The following GABRP variants were observed in gnomAD, a reference collection of about 807,000 sequenced individuals.
GABRP encodes the protein gamma-aminobutyric acid receptor subunit pi.
Under a neutral mutation model 47.8 loss-of-function variants are expected in GABRP, and 52 were observed. That is an observed-to-expected ratio of 1.09 (90% CI 0.87 to 1.37). The LOEUF (loss-of-function observed/expected upper bound fraction) is 1.37. GABRP is among the 40% of genes most tolerant of loss of function. GABRP has a pLI of 0.00. For synonymous variants in GABRP, 221 were observed against 205.8 expected (o/e 1.07, Z -0.63); for missense variants, 525 against 542.8 (o/e 0.97, Z 0.33).
chr5:170,784,766 T>A (rs1478779360), intron 1 of GABRP, among the ~76,000 whole-genome samples: 1 of 152,204 alleles, frequency 6.6e-6, no homozygotes, highest in Non-Finnish European at 1.5e-5. Context: ...ATGGGAAAAC[T>A]GAGACTCTGA....
chr5:170,794,089 T>C, intron 3 of GABRP, 142 bp from the exon 4 acceptor site: 1 of 448,800 alleles, frequency 2.2e-6, no homozygotes, highest in Non-Finnish European at 3.8e-6. Flanking sequence ...AAAATTTTTC[T>C]TTTTATATTT....
rs113821220 is a variant in GABRP at position 170,795,429 on chromosome 5, C to T, written c.458+4C>T. ...GCACGGTCCTGTATGCCCTCAGGTA[C>T]GCGGACACCTGTGACCTCAGGGGTG... On this transcript the variant is annotated splice_donor_region_variant and intron_variant, in intron 5 of 9. Coordinates refer to ENST00000265294, the MANE Select transcript of GABRP (RefSeq NM_014211.3). 93 of 1,612,204 alleles carry T rather than the reference C, an allele frequency of 5.8e-5. 3 individuals are homozygous for T. The African/African-American group carries it at 6.0e-4, about 10-fold the overall frequency.
chr5:170,812,281 G>T lies in GABRP; in HGVS notation c.*23G>T. 1 of 1,582,300 alleles carries T rather than the reference G, an allele frequency of 6.3e-7. No individual in the cohort carries two copies. The highest frequency in any genetic ancestry group is 8.7e-7 in the Non-Finnish European group (1 of 1,155,788). On this transcript the variant is annotated 3_prime_UTR_variant, in exon 10 of 10. Coordinates refer to ENST00000265294, the MANE Select transcript of GABRP (RefSeq NM_014211.3). ...TGAGTCAATGTTAAATTTCTTGCAT[G>T]CCATAGGTCTTCAACAGGACAAGAT...
At position 170,812,286 on chromosome 5, in the gene GABRP, A is replaced by C. The variant is rs148228011; in HGVS notation, c.*28A>C. On this transcript the variant is annotated 3_prime_UTR_variant, in exon 10 of 10. Coordinates refer to ENST00000265294, the MANE Select transcript of GABRP (RefSeq NM_014211.3). ...CAATGTTAAATTTCTTGCATGCCATAGGTCTTCAACAGGACAAGATAATGA... is the reference window on the plus strand; with the variant it reads ...CAATGTTAAATTTCTTGCATGCCATCGGTCTTCAACAGGACAAGATAATGA... 73 of 1,569,766 alleles carry C rather than the reference A, an allele frequency of 4.7e-5. 1 individual carries two copies. In the African/African-American group the frequency reaches 9.1e-4, roughly 19 times the overall value.
intron 4 of GABRP, 93 bp downstream of exon 4, chr5:170,794,391 A>G (rs978937976): frequency 1.3e-5 from 10 of 783,752 alleles, no homozygotes; most frequent in African/African-American, 1.8e-5. Context: ...AAAAAAAAAA[A>G]AAAAAGAATG....
In GABRP at chr5:170,797,241, A is replaced by G. The variant is rs1038451832; in HGVS notation, c.459-225A>G. On this transcript the variant is annotated intron_variant, in intron 5 of 9. Transcript: ENST00000265294. ...TACTGCCAGAAGTTTTGCCCCTTGA[A>G]TGGCCAGCATTCCAACTTCCTCCAC... Among the ~76,000 whole-genome samples, 19 of 152,206 alleles carry G rather than the reference A, an allele frequency of 1.2e-4. 1 individual carries two copies. The highest frequency in any genetic ancestry group is 2.6e-4 in the Non-Finnish European group (18 of 68,046).
chr5:170,789,731 T>A (rs115791988), intron 3 of GABRP, among the ~76,000 whole-genome samples: 2,309 of 152,224 alleles, frequency 0.015, 43 homozygotes, highest in South Asian at 0.089. Context: ...CCAGCCTTTA[T>A]CTGTCTGCCA....
At chr5:170,800,798 T>C (rs1765570817) in intron 6 of GABRP, among the ~76,000 whole-genome samples, 1 of 152,044 alleles carries the variant, frequency 6.6e-6, no homozygotes, top group Non-Finnish European at 1.5e-5. Flanking sequence ...ATACAAAAAT[T>C]AGCCAGGTGT....
At chr5:170,802,902 C>T (rs999947782) in intron 6 of GABRP, among the ~76,000 whole-genome samples, 1 of 152,186 alleles carries the variant, frequency 6.6e-6, no homozygotes, top group Non-Finnish European at 1.5e-5. Flanking sequence ...GTACAGAAAC[C>T]TCACTATGGG....
chr5:170,809,588 A>G lies in GABRP; in HGVS notation c.853A>G (p.Met285Val). The change falls in exon 9 of 10, where the codon ATG becomes GTG. Residue 285 changes from methionine to valine, a missense_variant. Met to Val is a conservative substitution (Grantham distance 21). Coordinates refer to ENST00000265294, the MANE Select transcript of GABRP (RefSeq NM_014211.3). Reference protein sequence around the residue: ...TCIGVTTVLSMTTLMIGSRTS... With the variant: ...TCIGVTTVLSVTTLMIGSRTS... ...CCCAGGAGTGACGACCGTGTTATCA[A>G]TGACCACACTGATGATCGGGTCCCG... The G allele has an allele frequency of 6.2e-7, 1 of 1,614,066 alleles. No homozygotes were observed. Among genetic ancestry groups the G allele is most frequent in the Non-Finnish European group, 8.5e-7 (1 of 1,180,032 alleles).
intron 3 of GABRP, among the ~76,000 whole-genome samples, chr5:170,791,103 A>G (rs1765253562): frequency 6.6e-6 from 1 of 152,186 alleles, no homozygotes; most frequent in South Asian, 2.1e-4. Context: ...CAAACAATTA[A>G]GTCAGAATAC....
At chr5:170,809,067 G>C (rs1765814580) in intron 8 of GABRP, among the ~76,000 whole-genome samples, 1 of 152,078 alleles carries the variant, frequency 6.6e-6, no homozygotes, top group Non-Finnish European at 1.5e-5. Flanking sequence ...ATCCCAGGTA[G>C]CTGGGACTAC....
At chr5:170,805,946 C>T (rs1049508263) in intron 7 of GABRP, 93 bp downstream of exon 7, 6 of 1,402,056 alleles carry the variant, frequency 4.3e-6, no homozygotes, top group Non-Finnish European at 4.9e-6. Context: ...CTCACTTTAC[C>T]TCCTTGGGAT....
intron 8 of GABRP, 60 bp downstream of exon 8, chr5:170,808,812 C>T (rs2127266213): frequency 6.7e-7 from 1 of 1,486,056 alleles, no homozygotes; most frequent in South Asian, 1.2e-5. Context: ...TACTTTTTTT[C>T]CTTTTACCAT....
intron 9 of GABRP, among the ~76,000 whole-genome samples, chr5:170,811,446 T>G (rs111885014): frequency 1.3e-5 from 2 of 152,114 alleles, no homozygotes; most frequent in African/African-American, 2.4e-5. Context: ...ATTTCTATTA[T>G]CTCTCGTAAT....
intron 3 of GABRP, among the ~76,000 whole-genome samples, chr5:170,790,732 C>G (rs1456902929): frequency 6.6e-6 from 1 of 152,082 alleles, no homozygotes; most frequent in Non-Finnish European, 1.5e-5. Context: ...CAGGTGCATT[C>G]AGAGGAGTCT....
chr5:170,785,442 CTAACAATTCATGGGCATT>C (rs1765101199), intron 1 of GABRP, among the ~76,000 whole-genome samples: 1 of 152,324 alleles, frequency 6.6e-6, no homozygotes, highest in African/African-American at 2.4e-5. Flanking sequence ...GACATGGCTT[CTAACAATTCATGGGCATT>C]TAGAAGCCTT....
intron 6 of GABRP, among the ~76,000 whole-genome samples, chr5:170,799,257 T>C (rs1466571720): frequency 2.6e-5 from 4 of 152,230 alleles, no homozygotes; most frequent in Non-Finnish European, 2.9e-5. Flanking sequence ...GCATGTGTCT[T>C]TATAGCAGCA....
At chr5:170,792,794 C>G (rs1765310327) in intron 3 of GABRP, among the ~76,000 whole-genome samples, 1 of 152,214 alleles carries the variant, frequency 6.6e-6, no homozygotes, top group Non-Finnish European at 1.5e-5. Context: ...AAGTAGTTTG[C>G]CTTGCCGTAT....
Sources: gnomAD v4.1 joint callset for allele counts (sites outside exome capture counted in the v4.1 genomes callset) on GRCh38, gnomAD v4.1.1 for gene constraint, MANE v1.5 for transcripts, NCBI Gene and HGNC (gene_info 2026-07-23, HGNC 2026-07-21) for gene names.